The following BCKDHB variants were observed in gnomAD, a reference collection of about 807,000 sequenced individuals.
The protein encoded by BCKDHB is 2-oxoisovalerate dehydrogenase subunit beta, mitochondrial.
In BCKDHB, 41 loss-of-function variants were observed where a neutral mutation model predicts 48.5. The observed-to-expected ratio is 0.85, with a 90% CI of 0.66 to 1.10. The LOEUF (loss-of-function observed/expected upper bound fraction) is 1.10, where lower values mean the gene tolerates loss of function less well. BCKDHB is among the 50% of genes least tolerant of loss of function. The probability of loss-of-function intolerance (pLI) is 0.00; values close to 1 mark genes in which losing one functional copy is unlikely to be tolerated. For missense variants in BCKDHB, 496 were observed against 494.2 expected (o/e 1.00, Z -0.03); for synonymous variants, 201 against 174.8 (o/e 1.15, Z -1.18).
chr6:80,389,044 G>C, the BCKDHB span, among the ~76,000 whole-genome samples: 11 of 152,204 alleles, frequency 7.2e-5, no homozygotes, highest in African/African-American at 2.7e-4. Flanking sequence ...ATTTGGGGAA[G>C]AGATATGTGG....
At chr6:80,267,400 C>A (rs1385232137) in intron 8 of BCKDHB, among the ~76,000 whole-genome samples, 1 of 151,902 alleles carries the variant, frequency 6.6e-6, no homozygotes, top group African/African-American at 2.4e-5. Flanking sequence ...GACAATCTGA[C>A]AAGAAAAAGG....
chr6:80,379,148 A>G, the BCKDHB span, among the ~76,000 whole-genome samples: 1 of 152,004 alleles, frequency 6.6e-6, no homozygotes. Flanking sequence ...AAAAGAAACT[A>G]CAAGCCAATA....
intron 8 of BCKDHB, among the ~76,000 whole-genome samples, chr6:80,235,246 G>C (rs1776101399): frequency 1.3e-5 from 2 of 152,186 alleles, no homozygotes; most frequent in African/African-American, 4.8e-5. Context: ...CTGTATGCAT[G>C]TATCCAAATA....
chr6:80,204,057 A>G (rs999527276), intron 8 of BCKDHB, among the ~76,000 whole-genome samples: 7 of 152,132 alleles, frequency 4.6e-5, no homozygotes, highest in African/African-American at 1.7e-4. Flanking sequence ...AAATTGTAGG[A>G]AACAATGACA....
the BCKDHB span, among the ~76,000 whole-genome samples, chr6:80,378,990 A>T: frequency 6.6e-6 from 1 of 152,134 alleles, no homozygotes; most frequent in Non-Finnish European, 1.5e-5. Flanking sequence ...GACCAGACAG[A>T]TACACAGCCA....
intron 1 of BCKDHB, among the ~76,000 whole-genome samples, chr6:80,109,384 A>C (rs574371618): frequency 6.6e-6 from 1 of 152,370 alleles, no homozygotes; most frequent in East Asian, 1.9e-4. Flanking sequence ...GCAATTTTGT[A>C]AATAATGCAG....
chr6:80,336,495 C>CA (rs869210581), intron 9 of BCKDHB, among the ~76,000 whole-genome samples: 429 of 42,932 alleles, frequency 1.0e-2, no homozygotes, highest in Non-Finnish European at 0.017. Context: ...GCAAAAAAAA[C>CA]CAAAAAAACA....
chr6:80,250,602 C>T (rs1477192555), intron 8 of BCKDHB, among the ~76,000 whole-genome samples: 2 of 152,084 alleles, frequency 1.3e-5, no homozygotes, highest in African/African-American at 4.8e-5. Flanking sequence ...CTTCTGTTGT[C>T]ACTTGATTGG....
At chr6:80,365,301 A>G in the BCKDHB span, among the ~76,000 whole-genome samples, 4 of 152,196 alleles carry the variant, frequency 2.6e-5, no homozygotes, top group African/African-American at 7.2e-5. Context: ...TCTGACCACA[A>G]ATTTACCAGG....
chr6:80,270,686 C>G (rs1053741063), intron 8 of BCKDHB, among the ~76,000 whole-genome samples: 1 of 152,040 alleles, frequency 6.6e-6, no homozygotes, highest in Non-Finnish European at 1.5e-5. Flanking sequence ...TAGTTTATTG[C>G]TCATTTTGTC....
chr6:80,155,065 G>A (rs1249248895), intron 3 of BCKDHB, among the ~76,000 whole-genome samples: 1 of 152,132 alleles, frequency 6.6e-6, no homozygotes, highest in Non-Finnish European at 1.5e-5. Context: ...AAAGTTTGAA[G>A]TAGCCCTTTT....
At chr6:80,139,229 A>G (rs1199581705) in intron 3 of BCKDHB, among the ~76,000 whole-genome samples, 3 of 152,040 alleles carry the variant, frequency 2.0e-5, no homozygotes, top group African/African-American at 4.8e-5. Context: ...GTAAGTTGTG[A>G]AAATTTTCTC....
At chr6:80,411,295 C>A in the BCKDHB span, among the ~76,000 whole-genome samples, 1 of 152,152 alleles carries the variant, frequency 6.6e-6, no homozygotes, top group African/African-American at 2.4e-5. Flanking sequence ...GCAAGTATTG[C>A]AGAAGAGAAA....
At chr6:80,374,183 G>C in the BCKDHB span, 1 of 722,064 alleles carries the variant, frequency 1.4e-6, no homozygotes, top group South Asian at 1.3e-5. Context: ...GAGCTCTGTA[G>C]GTCTGGCAGC....
the BCKDHB span, among the ~76,000 whole-genome samples, chr6:80,400,885 TAAGA>T: frequency 6.6e-6 from 1 of 151,930 alleles, no homozygotes; most frequent in Non-Finnish European, 1.5e-5. Flanking sequence ...TATGAAGCCA[TAAGA>T]AAGAATGAGA....
chr6:80,181,187 G>A (rs1437617012), intron 6 of BCKDHB, among the ~76,000 whole-genome samples: 1 of 152,064 alleles, frequency 6.6e-6, no homozygotes, highest in Non-Finnish European at 1.5e-5. Context: ...ATGTCAGCTG[G>A]ATCCTTAACT....
intron 6 of BCKDHB, among the ~76,000 whole-genome samples, chr6:80,199,094 G>T (rs1368442226): frequency 6.6e-6 from 1 of 152,160 alleles, no homozygotes; most frequent in Non-Finnish European, 1.5e-5. Context: ...TGCTGTGGGT[G>T]CATTGGATTG....
At chr6:80,229,278 TAGC>T (rs1235411747) in intron 8 of BCKDHB, among the ~76,000 whole-genome samples, 2 of 152,118 alleles carry the variant, frequency 1.3e-5, no homozygotes, top group African/African-American at 2.4e-5. Context: ...CTTACAGAAA[TAGC>T]AGAGTGAAGG....
chr6:80,345,052 A>T lies in BCKDHB; in HGVS notation c.*1248A>T, dbSNP rs766098631. The T allele has an allele frequency of 6.6e-6, 1 of 152,192 alleles. No homozygotes were observed. The highest frequency in any genetic ancestry group is 6.5e-5 in the Admixed American group (1 of 15,290). The allele number at this position is 152,192 out of a possible 1,614,324, so 9.4% of individuals were successfully genotyped here. ...TTTCCAGAAGCTTTTTTAACAAGTG[A>T]ATATTTTTTACATAATGGATAATAA... On this transcript the variant is annotated 3_prime_UTR_variant, in exon 10 of 10. Coordinates refer to ENST00000320393, the MANE Select transcript of BCKDHB (RefSeq NM_183050.4).
Sources: allele counts gnomAD v4.1 joint callset (sites outside exome capture counted in the v4.1 genomes callset), GRCh38; gene constraint gnomAD v4.1.1; transcripts MANE v1.5; gene names NCBI Gene and HGNC (gene_info 2026-07-23, HGNC 2026-07-21).